SUPT7L: variants seen among roughly 807,000 people sequenced by gnomAD.
The protein encoded by SUPT7L is STAGA complex 65 subunit gamma.
In SUPT7L, 15 loss-of-function variants were observed where a neutral mutation model predicts 35.7. The observed-to-expected ratio is 0.42, with a 90% CI of 0.28 to 0.65. The LOEUF is 0.65. Ranked by LOEUF, SUPT7L falls within the 30% of genes least tolerant of loss-of-function variation. The pLI, the probability that SUPT7L is intolerant of heterozygous loss-of-function variation, is 0.23. For missense variants in SUPT7L, 434 were observed against 522.2 expected, an observed-to-expected ratio of 0.83 and a Z score of 1.65; for synonymous variants, 168 against 186.2, an observed-to-expected ratio of 0.90 and a Z score of 0.79.
chr2:27,658,124 C>G (rs1327117758), intron 3 of SUPT7L, among the ~76,000 whole-genome samples: 2 of 152,076 alleles, frequency 1.3e-5, no homozygotes, highest in African/African-American at 4.8e-5. Context: ...TTCACAGTTC[C>G]CAGGAGTTTA....
At chr2:27,662,325 A>C (rs1374191584) in intron 1 of SUPT7L, 44 bp from the exon 2 acceptor site, 1 of 1,032,466 alleles carries the variant, frequency 9.7e-7, no homozygotes, top group Non-Finnish European at 1.5e-6. Flanking sequence ...TTCAATATGA[A>C]ACATGGTAAG....
At chr2:27,647,932 T>C (rs768171127), downstream of SUPT7L, 12 of 1,603,428 alleles carry the variant, frequency 7.5e-6, no homozygotes, top group Middle Eastern at 1.7e-4. Flanking sequence ...ACTGATGACA[T>C]TGACCACAGA....
In SUPT7L at chr2:27,662,311, A is replaced by G. The variant is rs948714769; in HGVS notation, c.-89-30T>C. On this transcript the variant is annotated intron_variant, in intron 1 of 5. Coordinates refer to ENST00000337768, the MANE Select transcript of SUPT7L (RefSeq NM_014860.3). ...AGTGAGGAAGAGAAACAGAAGCAGA[A>G]TATTTCAATATGAAACATGGTAAGT... The G allele has an allele frequency of 6.2e-5, 70 of 1,120,596 alleles. No individual in the cohort carries two copies. The African/African-American group carries it at 9.6e-4, about 15-fold the overall frequency. The allele number at this position is 1,120,596 out of a possible 1,614,324, so 69.4% of individuals were successfully genotyped here. A position where few individuals can be genotyped will look rare whatever the true frequency, so the allele number is the denominator to read the frequency against.
chr2:27,662,999 C>T (rs1427164248), intron 1 of SUPT7L, among the ~76,000 whole-genome samples: 1 of 145,076 alleles, frequency 6.9e-6, no homozygotes, highest in African/African-American at 2.6e-5. Context: ...TGTTGCCCAG[C>T]CTCCTCTGGA....
chr2:27,661,251 G>A lies in SUPT7L; in HGVS notation c.152C>T (p.Thr51Ile). Residue 51 changes from threonine to isoleucine, a missense_variant, in exon 3 of 6, where the codon ACT becomes ATT. Around this residue, in one of 3 missense-constraint regions of SUPT7L, gnomAD observed 77 missense variants for 114.4 expected, o/e 0.67. Transcript: ENST00000337768. ...TGGCTCTGAGGGGATGTCCAGCATA[G>A]TGGGGGGCTTCGGCTTGTTGGCTGA... ...QPSANKPKPP[T>I]MLDIPSEPCS... 8 of 1,613,678 alleles carry A rather than the reference G, an allele frequency of 5.0e-6. No homozygotes were observed. Among genetic ancestry groups the A allele is most frequent in the Non-Finnish European group, 6.8e-6 (8 of 1,179,682 alleles).
At chr2:27,643,279 T>G in the SUPT7L span, among the ~76,000 whole-genome samples, 1 of 151,768 alleles carries the variant, frequency 6.6e-6, no homozygotes, top group Admixed American at 6.6e-5. The surrounding 1 kb of genome is among the most constrained non-coding windows in gnomAD (Gnocchi z 4.0). Flanking sequence ...ATAATTATTC[T>G]ATCAGATTCC....
downstream of SUPT7L, among the ~76,000 whole-genome samples, chr2:27,647,467 C>T (rs956822653): frequency 1.3e-5 from 2 of 152,182 alleles, no homozygotes; most frequent in Non-Finnish European, 2.9e-5. Context: ...TCCACACTTT[C>T]ACTGTGACTC....
Position 27,657,420 on chromosome 2 carries a change from C to T in SUPT7L, c.669G>A (p.Val223=), listed in dbSNP as rs201114774. ...PDVMEQVFHE[V]GIGSVLSLQK... ...GGAGGGAGAGCACACTGCCAATACC[C>T]ACTTCATGGAATACCTGCTCCATCA... The change falls in exon 4 of 6, where the codon GTG becomes GTA. Residue 223 remains valine, a synonymous_variant. Coordinates refer to ENST00000337768, the MANE Select transcript of SUPT7L (RefSeq NM_014860.3). This position sits in a 1 kb window ranked among gnomAD's most constrained non-coding sequence, Gnocchi z 5.2. 31 of 1,614,120 alleles carry T rather than the reference C, an allele frequency of 1.9e-5. No homozygotes were observed. The highest frequency in any genetic ancestry group is 2.4e-5 in the Non-Finnish European group (28 of 1,180,056).
downstream of SUPT7L, chr2:27,649,976 G>T: frequency 1.7e-6 from 1 of 574,468 alleles, no homozygotes; most frequent in Non-Finnish European, 3.2e-6. Flanking sequence ...CATGCTTCTA[G>T]GAGACATTTC....
Position 27,662,246 on chromosome 2 carries a change from G to C in SUPT7L, c.-54C>G. 1 of 1,593,846 alleles carries C rather than the reference G, an allele frequency of 6.3e-7. No individual in the cohort carries two copies. Among genetic ancestry groups the C allele is most frequent in the Non-Finnish European group, 8.6e-7 (1 of 1,161,490 alleles). On this transcript the variant is annotated 5_prime_UTR_variant, in exon 2 of 6. Transcript: ENST00000337768. ...ACATTTATCAAATGCCAGGCATTCT[G>C]TGTCGGTCAAAGACTGATAATGTGA...
intron 4 of SUPT7L, among the ~76,000 whole-genome samples, chr2:27,656,759 A>T (rs1047163963): frequency 2.2e-4 from 34 of 151,958 alleles, no homozygotes; most frequent in Admixed American, 1.9e-3. Flanking sequence ...CACACTCCCA[A>T]GTAGCTGAGA....
intron 2 of SUPT7L, 125 bp from the exon 3 acceptor site, chr2:27,661,513 A>C: frequency 6.7e-7 from 1 of 1,485,804 alleles, no homozygotes; most frequent in East Asian, 2.3e-5. Flanking sequence ...TACGAGGTCT[A>C]GCCAGTTATT....
chr2:27,643,017 TA>T, the SUPT7L span, among the ~76,000 whole-genome samples: 6 of 124,674 alleles, frequency 4.8e-5, no homozygotes, highest in East Asian at 3.1e-4. The surrounding 1 kb of genome is among the most constrained non-coding windows in gnomAD (Gnocchi z 4.0). Context: ...ACATATATAT[TA>T]AAAAATAAAG....
Position 27,657,484 on chromosome 2 carries a change from T to C in SUPT7L, c.605A>G (p.Asp202Gly). ...AGTCTGTCCCAGCCGGGCCTCCCGG[T>C]CCACAGCAAAACGCAGCAACTTGGT... ...KFTKLLRFAV[D>G]REARLGQTPF... Residue 202 changes from aspartate (D) to glycine (G), a missense_variant, in exon 4 of 6, where the codon GAC becomes GGC. Physicochemically the swap from Asp to Gly is moderately conservative, Grantham distance 94 (BLOSUM62 -1). This residue lies in a region of SUPT7L where 198 missense variants were observed against 190.8 expected (regional missense o/e 1.04). Transcript: ENST00000337768. The surrounding 1 kb of genome is among the most constrained non-coding windows in gnomAD (Gnocchi z 5.2). 3.1e-6 allele frequency: 5 copies of C among 1,614,228 alleles called. No individual in the cohort carries two copies. Among genetic ancestry groups the C allele is most frequent in the Non-Finnish European group, 4.2e-6 (5 of 1,180,046 alleles).
chr2:27,642,958 T>TATACACACACACAC, the SUPT7L span, among the ~76,000 whole-genome samples: 1,251 of 122,602 alleles, frequency 0.01, 11 homozygotes, highest in Middle Eastern at 0.024. Context: ...TATATATATA[T>TATACACACACACAC]ACACACACAC....
chr2:27,659,825 A>G (rs968700348), intron 3 of SUPT7L, among the ~76,000 whole-genome samples: 1 of 152,192 alleles, frequency 6.6e-6, no homozygotes, highest in African/African-American at 2.4e-5. Flanking sequence ...ATATATGTGT[A>G]TACACACACA....
At chr2:27,642,645 C>T in the SUPT7L span, 7 of 603,120 alleles carry the variant, frequency 1.2e-5, no homozygotes, top group Admixed American at 7.9e-5. Flanking sequence ...CTCACCACAA[C>T]CTCCACCTCC....
At chr2:27,644,977 A>AT in the SUPT7L span, among the ~76,000 whole-genome samples, 3 of 151,346 alleles carry the variant, frequency 2.0e-5, no homozygotes, top group Non-Finnish European at 4.4e-5. Flanking sequence ...TTATTTATTT[A>AT]TTTTTTTTGA....
At chr2:27,655,067 A>G (rs1486473072) in intron 5 of SUPT7L, among the ~76,000 whole-genome samples, 5 of 152,256 alleles carry the variant, frequency 3.3e-5, no homozygotes, top group Non-Finnish European at 7.3e-5. Context: ...TATCTTCCCA[A>G]CCAGCTGGAT....
Sources: gnomAD v4.1 joint callset for allele counts (sites outside exome capture counted in the v4.1 genomes callset) on GRCh38, gnomAD v4.1.1 for gene constraint, gnomAD v4.1.1 regional missense constraint, Gnocchi (gnomAD v3.1) non-coding constraint, MANE v1.5 for transcripts, NCBI Gene and HGNC (gene_info 2026-07-23, HGNC 2026-07-21) for gene names.